WWOX: variants seen among roughly 807,000 people sequenced by gnomAD.
The protein encoded by WWOX is WW domain containing oxidoreductase, also known as WW domain-containing oxidoreductase.
In WWOX, 69 loss-of-function variants were observed where a neutral mutation model predicts 46.2. That is an observed-to-expected ratio of 1.49 (90% CI 1.23 to 1.82). The LOEUF (loss-of-function observed/expected upper bound fraction) is 1.82. Among genes scored for constraint, WWOX ranks in the 40% most tolerant of loss-of-function variants. The probability of loss-of-function intolerance (pLI) is 0.00; values close to 1 mark genes in which losing one functional copy is unlikely to be tolerated. For missense variants in WWOX, 919 were observed against 542.6 expected (o/e 1.69, Z -6.89); for synonymous variants, 359 against 202.6 (o/e 1.77, Z -6.56).
chr16:78,821,702 T>C (rs535082565), intron 8 of WWOX, among the ~76,000 whole-genome samples: 12 of 152,282 alleles, frequency 7.9e-5, no homozygotes, highest in East Asian at 3.9e-4. Context: ...GGGAACTCAG[T>C]TGGTTGCTGA....
At chr16:78,970,691 A>G (rs1322145067) in intron 8 of WWOX, among the ~76,000 whole-genome samples, 2 of 152,204 alleles carry the variant, frequency 1.3e-5, no homozygotes, top group Non-Finnish European at 2.9e-5. Flanking sequence ...GCCATAATTT[A>G]AAAAGATAGG....
chr16:79,086,486 T>A (rs2048856231), intron 8 of WWOX, among the ~76,000 whole-genome samples: 1 of 152,226 alleles, frequency 6.6e-6, no homozygotes, highest in African/African-American at 2.4e-5. Flanking sequence ...AAACTTGTGG[T>A]GGAAGCAAGA....
intron 8 of WWOX, among the ~76,000 whole-genome samples, chr16:78,574,637 C>T (rs1006486252): frequency 6.6e-6 from 1 of 151,940 alleles, no homozygotes; most frequent in Admixed American, 6.6e-5. Context: ...ATGTGAACCA[C>T]ATTTTTAAAA....
chr16:78,961,674 C>T (rs2046273704), intron 8 of WWOX, among the ~76,000 whole-genome samples: 1 of 152,072 alleles, frequency 6.6e-6, no homozygotes, highest in South Asian at 2.1e-4. Context: ...AGAGAATCCC[C>T]AAGGTGAGCT....
intron 5 of WWOX, among the ~76,000 whole-genome samples, chr16:78,171,865 CTTTGGGGCG>C (rs1455659328): frequency 6.6e-6 from 1 of 152,190 alleles, no homozygotes; most frequent in Non-Finnish European, 1.5e-5. Flanking sequence ...TGAAGTTCTT[CTTTGGGGCG>C]TTTGCAAAAT....
intron 1 of WWOX, 46 bp downstream of exon 1, chr16:78,099,931 C>G (rs769073699): frequency 6.5e-7 from 1 of 1,544,662 alleles, no homozygotes; most frequent in Non-Finnish European, 8.7e-7. Flanking sequence ...GGACCCTGCA[C>G]AGCCCACGGA....
chr16:78,768,685 G>A (rs998669119), intron 8 of WWOX, among the ~76,000 whole-genome samples: 1 of 152,044 alleles, frequency 6.6e-6, no homozygotes, highest in African/African-American at 2.4e-5. Flanking sequence ...CTGTAGATTG[G>A]GGAGTGTAGT....
chr16:78,331,869 C>T (rs570925733), intron 5 of WWOX, among the ~76,000 whole-genome samples: 4 of 152,188 alleles, frequency 2.6e-5, no homozygotes, highest in African/African-American at 9.6e-5. Context: ...TCAAATTATT[C>T]CCCCCTTTAC....
chr16:78,561,531 A>G (rs965913146), intron 8 of WWOX, among the ~76,000 whole-genome samples: 3 of 152,076 alleles, frequency 2.0e-5, no homozygotes, highest in Non-Finnish European at 2.9e-5. Flanking sequence ...TGCGTACACC[A>G]TGGACCGGGA....
At chr16:78,817,199 T>TTTTTTTTTTTTTTC in intron 8 of WWOX, among the ~76,000 whole-genome samples, 1 of 144,602 alleles carries the variant, frequency 6.9e-6, no homozygotes, top group Non-Finnish European at 1.5e-5. Flanking sequence ...TTTTTTTTTT[T>TTTTTTTTTTTTTTC]CCTTCTTCAA....
intron 8 of WWOX, among the ~76,000 whole-genome samples, chr16:79,058,842 T>G (rs1307917348): frequency 6.6e-6 from 1 of 152,236 alleles, no homozygotes; most frequent in Non-Finnish European, 1.5e-5. Flanking sequence ...TTGTGTATTT[T>G]TATTTGCTAA....
chr16:79,106,582 ATTTTTTTTTTTT>A (rs752318131), intron 8 of WWOX: 22,887 of 79,900 alleles, frequency 0.29, 2,622 homozygotes, highest in East Asian at 0.54. Flanking sequence ...TCTTAAAATA[ATTTTTTTTTTTT>A]TTTTTTTTTT....
intron 5 of WWOX, among the ~76,000 whole-genome samples, chr16:78,196,224 A>G (rs181695358): frequency 1.1e-4 from 16 of 152,352 alleles, no homozygotes; most frequent in Admixed American, 6.5e-4. Context: ...AATGTATTGC[A>G]AGCTGTTTAA....
chr16:78,961,819 T>G (rs1302095680), intron 8 of WWOX, among the ~76,000 whole-genome samples: 1 of 152,214 alleles, frequency 6.6e-6, no homozygotes, highest in Non-Finnish European at 1.5e-5. Context: ...TGAATCTTAA[T>G]GCATCTCTAT....
chr16:78,240,411 G>A (rs1048405374), intron 5 of WWOX, among the ~76,000 whole-genome samples: 7 of 152,258 alleles, frequency 4.6e-5, no homozygotes, highest in African/African-American at 1.2e-4. Flanking sequence ...GGAGTGATGC[G>A]TCTACAAGCC....
Position 78,743,045 on chromosome 16 carries a change from C to T in WWOX, c.1056+310293C>T, listed in dbSNP as rs57619503. 5.2e-3 allele frequency among the ~76,000 whole-genome samples: 798 copies of T among 152,158 alleles called. 4 individuals are homozygous for T. The highest frequency in any genetic ancestry group is 0.018 in the African/African-American group (728 of 41,488). On this transcript the variant is annotated intron_variant, in intron 8 of 8. Coordinates refer to ENST00000566780, the MANE Select transcript of WWOX (RefSeq NM_016373.4). ...TTACTGCAGCCGGGAGGTTAGGTGT[C>T]TGCCGTGCTCATGAACAGGAAGTGA... is the stretch of plus-strand genomic sequence containing the variant.
intron 8 of WWOX, among the ~76,000 whole-genome samples, chr16:78,983,649 C>T (rs1363756153): frequency 6.6e-6 from 1 of 152,066 alleles, no homozygotes; most frequent in Non-Finnish European, 1.5e-5. Context: ...TGACTTCCAG[C>T]CAATGGAATC....
intron 5 of WWOX, among the ~76,000 whole-genome samples, chr16:78,316,948 C>T (rs956203900): frequency 6.6e-6 from 1 of 152,198 alleles, no homozygotes; most frequent in African/African-American, 2.4e-5. Context: ...TTTTATTGAA[C>T]ATCTAATAAG....
At chr16:78,841,583 G>T (rs1169139266) in intron 8 of WWOX, among the ~76,000 whole-genome samples, 2 of 152,180 alleles carry the variant, frequency 1.3e-5, no homozygotes, top group African/African-American at 4.8e-5. Flanking sequence ...TATATGTAAT[G>T]CTGCTTTCAA....
Sources: gnomAD v4.1 joint callset for allele counts (sites outside exome capture counted in the v4.1 genomes callset) on GRCh38, gnomAD v4.1.1 for gene constraint, MANE v1.5 for transcripts, NCBI Gene and HGNC (gene_info 2026-07-23, HGNC 2026-07-21) for gene names.